The following GRIK2 variants were observed in gnomAD, a reference collection of about 807,000 sequenced individuals.
GRIK2 encodes the protein glutamate receptor ionotropic, kainate 2.
GRIK2 carries 32 observed loss-of-function variants against 100.3 expected under a neutral mutation model. That is an observed-to-expected ratio of 0.32 (90% confidence interval 0.24 to 0.43). GRIK2 has a LOEUF of 0.43. Ranked by LOEUF, GRIK2 falls within the 20% of genes least tolerant of loss-of-function variation. GRIK2 has a pLI of 1.00. For missense variants in GRIK2, 843 were observed against 1,114.9 expected (o/e 0.76, Z 3.47); for synonymous variants, 417 against 389.4 (o/e 1.07, Z -0.83).
At chr6:101,612,313 A>G (rs1017028535) in intron 2 of GRIK2, among the ~76,000 whole-genome samples, 3 of 151,898 alleles carry the variant, frequency 2.0e-5, no homozygotes, top group Non-Finnish European at 4.4e-5. Context: ...GACAACTTAA[A>G]TATTATTATA....
At chr6:101,535,129 TGC>T (rs781670455) in intron 2 of GRIK2, among the ~76,000 whole-genome samples, 5 of 151,718 alleles carry the variant, frequency 3.3e-5, no homozygotes, top group Non-Finnish European at 7.4e-5. Flanking sequence ...GACTAGGTAT[TGC>T]TTCAGTCTTG....
At chr6:101,886,004 C>A (rs1263062019) in intron 11 of GRIK2, among the ~76,000 whole-genome samples, 1 of 152,072 alleles carries the variant, frequency 6.6e-6, no homozygotes. Context: ...GTGTATCCAC[C>A]ATTATAGCAT....
chr6:101,737,162 T>A (rs1487619671), intron 7 of GRIK2, among the ~76,000 whole-genome samples: 1 of 152,154 alleles, frequency 6.6e-6, no homozygotes, highest in Admixed American at 6.5e-5. Flanking sequence ...CTCTAGGGAG[T>A]TCCAAACTTT....
At chr6:101,427,788 G>A (rs1159480938) in intron 2 of GRIK2, among the ~76,000 whole-genome samples, 1 of 152,158 alleles carries the variant, frequency 6.6e-6, no homozygotes, top group African/African-American at 2.4e-5. Context: ...TAGTCAGTCT[G>A]TTAGTCAGTC....
At chr6:101,822,565 T>C (rs1431521283) in intron 10 of GRIK2, among the ~76,000 whole-genome samples, 1 of 152,118 alleles carries the variant, frequency 6.6e-6, no homozygotes, top group East Asian at 1.9e-4. Flanking sequence ...CTGCTTCCAG[T>C]ATAAATGTAT....
At chr6:101,432,074 CTATT>C (rs1327153655) in intron 2 of GRIK2, among the ~76,000 whole-genome samples, 8 of 152,104 alleles carry the variant, frequency 5.3e-5, no homozygotes, top group African/African-American at 1.9e-4. Flanking sequence ...AACCCTGTGG[CTATT>C]TAATTGTTGC....
chr6:101,654,881 C>G (rs1163536638), intron 4 of GRIK2, among the ~76,000 whole-genome samples: 2 of 152,154 alleles, frequency 1.3e-5, no homozygotes, highest in Admixed American at 1.3e-4. Flanking sequence ...GTACTACTCT[C>G]AGCTCTTCCT....
intron 2 of GRIK2, among the ~76,000 whole-genome samples, chr6:101,465,490 T>C (rs1407639018): frequency 6.6e-6 from 1 of 152,222 alleles, no homozygotes; most frequent in African/African-American, 2.4e-5. Flanking sequence ...TGTATGTATG[T>C]TCCACTTTCT....
intron 7 of GRIK2, among the ~76,000 whole-genome samples, chr6:101,725,949 T>C (rs1207785841): frequency 6.6e-6 from 1 of 151,960 alleles, no homozygotes; most frequent in Non-Finnish European, 1.5e-5. Flanking sequence ...TGCATAAAGT[T>C]TTCATTGAGA....
chr6:101,678,003 T>G (rs887247646), intron 5 of GRIK2, among the ~76,000 whole-genome samples: 1 of 152,130 alleles, frequency 6.6e-6, no homozygotes, highest in Non-Finnish European at 1.5e-5. Context: ...GCACTAAGAT[T>G]ACTACTGAAC....
chr6:101,533,964 C>T (rs897175121), intron 2 of GRIK2, among the ~76,000 whole-genome samples: 10 of 151,834 alleles, frequency 6.6e-5, no homozygotes, highest in African/African-American at 2.2e-4. Context: ...CATACACCCT[C>T]TTTCCTTTCA....
chr6:101,735,315 C>A (rs1372143246), intron 7 of GRIK2, among the ~76,000 whole-genome samples: 2 of 152,058 alleles, frequency 1.3e-5, no homozygotes, highest in African/African-American at 2.4e-5. Context: ...TTTTTGGCTC[C>A]TATTGTATTC....
chr6:101,725,412 A>G (rs1774790603), intron 7 of GRIK2, among the ~76,000 whole-genome samples: 1 of 152,076 alleles, frequency 6.6e-6, no homozygotes, highest in South Asian at 2.1e-4. Flanking sequence ...ATCTGAATTC[A>G]CATTGTCTTA....
intron 2 of GRIK2, among the ~76,000 whole-genome samples, chr6:101,544,942 G>T (rs993270458): frequency 2.0e-5 from 3 of 152,132 alleles, no homozygotes; most frequent in Non-Finnish European, 4.4e-5. Flanking sequence ...AAATATAAAG[G>T]AGTTATTCTG....
At chr6:101,840,383 A>G (rs984385094) in intron 10 of GRIK2, among the ~76,000 whole-genome samples, 7 of 152,196 alleles carry the variant, frequency 4.6e-5, no homozygotes, top group Admixed American at 3.9e-4. Flanking sequence ...TGTGTTTTCA[A>G]CTACAACTTG....
chr6:101,593,834 T>C (rs970594425), intron 2 of GRIK2, among the ~76,000 whole-genome samples: 7 of 151,900 alleles, frequency 4.6e-5, no homozygotes, highest in Non-Finnish European at 7.4e-5. Context: ...GGGGGATATT[T>C]CTTTTTTCTC....
chr6:101,519,351 G>A (rs1774755981), intron 2 of GRIK2, among the ~76,000 whole-genome samples: 2 of 148,710 alleles, frequency 1.3e-5, no homozygotes, highest in Admixed American at 6.8e-5. Flanking sequence ...GTGTGTTTGC[G>A]CTGGTGATAC....
chr6:102,068,119 C>A (rs1267372347), intron 16 of GRIK2, among the ~76,000 whole-genome samples: 1 of 151,714 alleles, frequency 6.6e-6, no homozygotes, highest in Non-Finnish European at 1.5e-5. Context: ...TTGTTCATTT[C>A]AGTATCGGGT....
At chr6:101,423,373 C>T (rs775080874) in intron 2 of GRIK2, among the ~76,000 whole-genome samples, 1 of 152,152 alleles carries the variant, frequency 6.6e-6, no homozygotes, top group African/African-American at 2.4e-5. Flanking sequence ...AGACTTCCCT[C>T]GTGTTTTCCA....
Sources: gnomAD v4.1 joint callset for allele counts (sites outside exome capture counted in the v4.1 genomes callset) on GRCh38, gnomAD v4.1.1 for gene constraint, MANE v1.5 for transcripts, NCBI Gene and HGNC (gene_info 2026-07-23, HGNC 2026-07-21) for gene names.